Variants in PIERCE1 observed in about 807,000 individuals in gnomAD.
PIERCE1 encodes piercer of microtubule wall 1.
the PIERCE1 span, chr9:135,498,455 A>G: frequency 1.4e-6 from 1 of 704,180 alleles, no homozygotes; most frequent in African/African-American, 1.8e-5. The surrounding 1 kb of genome is among the most constrained non-coding windows in gnomAD (Gnocchi z 4.1). Context: ...GTGATGCTGG[A>G]ACTTTGGCCT....
At chr9:135,499,814 A>G in the PIERCE1 span, 2 of 1,603,038 alleles carry the variant, frequency 1.2e-6, no homozygotes, top group Non-Finnish European at 1.7e-6. Context: ...CTTGGGCGCC[A>G]CAGGCTCCGC....
the PIERCE1 span, chr9:135,498,796 G>T: frequency 1.3e-6 from 1 of 777,760 alleles, no homozygotes; most frequent in Non-Finnish European, 2.2e-6. The surrounding 1 kb of genome is among the most constrained non-coding windows in gnomAD (Gnocchi z 4.1). Context: ...CTGGTGATGT[G>T]GCCTCGAAGG....
chr9:135,499,666 C>A, the PIERCE1 span: 1 of 1,600,002 alleles, frequency 6.2e-7, no homozygotes, highest in South Asian at 1.1e-5. Flanking sequence ...ACGGGGCTAT[C>A]GAGCAGTGGA....
the PIERCE1 span, among the ~76,000 whole-genome samples, chr9:135,495,932 C>T: frequency 6.6e-6 from 1 of 152,224 alleles, no homozygotes; most frequent in East Asian, 1.9e-4. Context: ...CTTTTGCTCA[C>T]TGTGCTACTC....
At chr9:135,495,650 A>G in the PIERCE1 span, 1 of 1,514,196 alleles carries the variant, frequency 6.6e-7, no homozygotes, top group Non-Finnish European at 9.1e-7. Context: ...TTAATGACGT[A>G]TAATACTCTT....
the PIERCE1 span, among the ~76,000 whole-genome samples, chr9:135,497,654 G>T: frequency 6.6e-6 from 1 of 151,914 alleles, no homozygotes; most frequent in Non-Finnish European, 1.5e-5. Context: ...TGATCTCTGA[G>T]CCTCAAGTGA....
the PIERCE1 span, among the ~76,000 whole-genome samples, chr9:135,497,257 T>A: frequency 6.6e-6 from 1 of 152,234 alleles, no homozygotes; most frequent in Non-Finnish European, 1.5e-5. Flanking sequence ...TTGTCAGTAG[T>A]ACCTCATGCC....
chr9:135,495,389 C>G, the PIERCE1 span: 1 of 1,561,924 alleles, frequency 6.4e-7, no homozygotes, highest in Admixed American at 1.9e-5. Context: ...CCAGGAGGCC[C>G]TGGGGTCAGA....
the PIERCE1 span, chr9:135,495,391 G>T: frequency 1.9e-6 from 3 of 1,562,780 alleles, no homozygotes; most frequent in Non-Finnish European, 2.6e-6. Flanking sequence ...AGGAGGCCCT[G>T]GGGTCAGAGG....
chr9:135,495,353 T>G, the PIERCE1 span: 1 of 1,373,644 alleles, frequency 7.3e-7, no homozygotes, highest in Non-Finnish European at 1.0e-6. Context: ...ATCGGGCGAC[T>G]GTGGGTGATG....
chr9:135,495,715 G>C, the PIERCE1 span: 1 of 1,150,558 alleles, frequency 8.7e-7, no homozygotes, highest in Non-Finnish European at 1.2e-6. Context: ...AGAAAATGCA[G>C]AGAAGCCAGA....
the PIERCE1 span, among the ~76,000 whole-genome samples, chr9:135,496,134 G>T: frequency 6.6e-6 from 1 of 152,212 alleles, no homozygotes; most frequent in East Asian, 1.9e-4. Context: ...GGCCAACATA[G>T]TGAAATGCCG....
At chr9:135,495,526 C>T in the PIERCE1 span, 1 of 1,614,150 alleles carries the variant, frequency 6.2e-7, no homozygotes, top group East Asian at 2.2e-5. Context: ...CGATGCTTTT[C>T]TCCAGGTAAA....
chr9:135,497,444 CAG>C, the PIERCE1 span, among the ~76,000 whole-genome samples: 1 of 149,824 alleles, frequency 6.7e-6, no homozygotes, highest in Non-Finnish European at 1.5e-5. Context: ...GTTTTGGTAA[CAG>C]GGTCTGGCTC....
the PIERCE1 span, chr9:135,499,621 C>A: frequency 3.3e-6 from 5 of 1,506,486 alleles, no homozygotes; most frequent in Non-Finnish European, 4.5e-6. Flanking sequence ...ATTTCTGTAG[C>A]TAGGACCTTG....
the PIERCE1 span, among the ~76,000 whole-genome samples, chr9:135,496,846 G>C: frequency 7.3e-6 from 1 of 136,848 alleles, no homozygotes; most frequent in Admixed American, 8.1e-5. Flanking sequence ...CACCCACGCC[G>C]GCGTGCAATG....
At chr9:135,498,442 T>G in the PIERCE1 span, 2 of 652,108 alleles carry the variant, frequency 3.1e-6, no homozygotes, top group Non-Finnish European at 5.3e-6. The surrounding 1 kb of genome is among the most constrained non-coding windows in gnomAD (Gnocchi z 4.1). Context: ...CTCCTCCCCA[T>G]TTGTGATGCT....
At chr9:135,498,383 C>T in the PIERCE1 span, among the ~76,000 whole-genome samples, 1 of 152,096 alleles carries the variant, frequency 6.6e-6, no homozygotes, top group Admixed American at 6.6e-5. The surrounding 1 kb of genome is among the most constrained non-coding windows in gnomAD (Gnocchi z 4.1). Context: ...AATTCATTCA[C>T]TCATTTAGTT....
At chr9:135,497,038 C>A in the PIERCE1 span, among the ~76,000 whole-genome samples, 2 of 152,218 alleles carry the variant, frequency 1.3e-5, no homozygotes, top group Non-Finnish European at 2.9e-5. Flanking sequence ...CTCAGGTGAT[C>A]CACCCGCCTC....
Sources: allele counts gnomAD v4.1 joint callset (sites outside exome capture counted in the v4.1 genomes callset), GRCh38; gene constraint gnomAD v4.1.1; non-coding constraint Gnocchi (gnomAD v3.1); transcripts MANE v1.5; gene names NCBI Gene and HGNC (gene_info 2026-07-23, HGNC 2026-07-21).